The following ZNF562 variants were observed in gnomAD, a reference collection of about 807,000 sequenced individuals.
ZNF562 encodes zinc finger protein 562.
ZNF562 carries 13 observed loss-of-function variants against 17.5 expected under a neutral mutation model. The observed-to-expected ratio is 0.74, with a 90% CI of 0.48 to 1.18. The LOEUF is 1.18. Among genes scored for constraint, ZNF562 ranks in the 50% most tolerant of loss-of-function variants. ZNF562 has a pLI of 0.00. For missense variants in ZNF562, 481 were observed against 498.5 expected (o/e 0.96, Z 0.33); for synonymous variants, 163 against 165.4 (o/e 0.99, Z 0.11).
chr19:9,659,355 TACA>T, intron 3 of ZNF562, 21 bp downstream of exon 3: 1 of 1,541,352 alleles, frequency 6.5e-7, no homozygotes, highest in African/African-American at 1.4e-5. Flanking sequence ...TGTCATTTTG[TACA>T]ACGGTACATT....
intron 1 of ZNF562, among the ~76,000 whole-genome samples, chr19:9,667,320 T>C (rs1177746835): frequency 6.6e-6 from 1 of 152,166 alleles, no homozygotes; most frequent in Non-Finnish European, 1.5e-5. Context: ...TCAATATCCC[T>C]TTTTGACAAA....
At position 9,647,907 on chromosome 19, in the gene ZNF562, A is replaced by G. The variant is rs894866695; in HGVS notation, c.*5042T>C. The stretch of plus-strand genomic sequence containing the variant: ...AAAGAAACAAACCAAAAAAATGAAA[A>G]TATCTTGTAGTATTTTTAAATAGAG... On this transcript the variant is annotated 3_prime_UTR_variant, in exon 6 of 6. Coordinates refer to ENST00000453372, the MANE Select transcript of ZNF562 (RefSeq NM_001130031.2). 4 of 152,038 alleles carry G rather than the reference A, an allele frequency of 2.6e-5. No homozygotes were observed. Among genetic ancestry groups the G allele is most frequent in the African/African-American group, 9.7e-5 (4 of 41,400 alleles). The allele number at this position is 152,038 out of a possible 1,614,324, so 9.4% of individuals were successfully genotyped here.
intron 1 of ZNF562, among the ~76,000 whole-genome samples, chr19:9,663,751 A>G (rs543852716): frequency 5.9e-5 from 9 of 151,420 alleles, no homozygotes; most frequent in African/African-American, 2.2e-4. Context: ...ATCTCGGCTC[A>G]CTGCAGCCGC....
rs190277523 is a variant in ZNF562 at position 9,642,342 on chromosome 19, G to A, written c.*10607C>T. On this transcript the variant is annotated 3_prime_UTR_variant, in exon 6 of 6. Transcript: ENST00000453372. ...CTGTCACACAGGCTGAAGTATAGTG[G>A]CATTATCATGGCTCACTGCAGCCTT... The A allele has an allele frequency of 8.9e-4, 134 of 151,100 alleles. No individual in the cohort carries two copies. The highest frequency in any genetic ancestry group is 3.0e-3 in the African/African-American group (122 of 41,112). The allele number at this position is 151,100 out of a possible 1,614,324, so 9.4% of individuals were successfully genotyped here. A position where few individuals can be genotyped will look rare whatever the true frequency, so the allele number is the denominator to read the frequency against.
rs531938449 is a variant in ZNF562, at chr19:9,650,014, T to C, written c.*2935A>G. 1.3e-5 allele frequency: 2 copies of C among 152,036 alleles called. No individual in the cohort carries two copies. The highest frequency in any genetic ancestry group is 2.9e-5 in the Non-Finnish European group (2 of 68,004). The allele number at this position is 152,036 out of a possible 1,614,324, so 9.4% of individuals were successfully genotyped here. On this transcript the variant is annotated 3_prime_UTR_variant, in exon 6 of 6. Transcript: ENST00000453372. ...CAAGTTGGCTGACACTTAGGGAAAA[T>C]AGAAAAGAACCTATGTGAATATCGG...
intron 1 of ZNF562, among the ~76,000 whole-genome samples, chr19:9,663,459 C>T (rs2145012670): frequency 6.6e-6 from 1 of 151,294 alleles, no homozygotes; most frequent in Non-Finnish European, 1.5e-5. Context: ...AATCACTCCA[C>T]ACCATTGCCT....
At chr19:9,657,904 T>G in intron 4 of ZNF562, 105 bp downstream of exon 4, 6 of 1,402,944 alleles carry the variant, frequency 4.3e-6, no homozygotes, top group Non-Finnish European at 5.7e-6. Flanking sequence ...TTGCCCATGC[T>G]AGTATCAAAC....
intron 4 of ZNF562, among the ~76,000 whole-genome samples, chr19:9,657,715 T>A (rs1166248373): frequency 6.6e-6 from 1 of 151,460 alleles, no homozygotes; most frequent in African/African-American, 2.4e-5. Flanking sequence ...CCTGGCTAAT[T>A]TTTTTGCATT....
intron 1 of ZNF562, among the ~76,000 whole-genome samples, chr19:9,665,341 T>A (rs1440940162): frequency 6.6e-6 from 1 of 151,848 alleles, no homozygotes; most frequent in Non-Finnish European, 1.5e-5. Flanking sequence ...GCACCAAGAA[T>A]GTGGAAAATT....
chr19:9,652,838 G>T lies in ZNF562; in HGVS notation c.*111C>A. 1.0e-6 allele frequency: 1 copy of T among 982,930 alleles called. No individual in the cohort carries two copies. Among genetic ancestry groups the T allele is most frequent in the Non-Finnish European group, 1.5e-6 (1 of 687,614 alleles). The allele number at this position is 982,930 out of a possible 1,614,324, so 60.9% of individuals were successfully genotyped here. Reference sequence around the variant, plus strand: ...AATTCTTTCATGCATACTTAGGCATGAGGAAAGAGCAAATGCTTTCCCAAA... The same window carrying T: ...AATTCTTTCATGCATACTTAGGCATTAGGAAAGAGCAAATGCTTTCCCAAA... On this transcript the variant is annotated 3_prime_UTR_variant, in exon 6 of 6. Coordinates refer to ENST00000453372, the MANE Select transcript of ZNF562 (RefSeq NM_001130031.2).
chr19:9,668,021 C>A (rs751575828), intron 1 of ZNF562, among the ~76,000 whole-genome samples: 2 of 152,106 alleles, frequency 1.3e-5, no homozygotes, highest in African/African-American at 4.8e-5. Flanking sequence ...TATACGCCAA[C>A]GGTGAACAAT....
chr19:9,654,374 A>C lies in ZNF562; in HGVS notation c.349-493T>G, dbSNP rs114670075. On this transcript the variant is annotated intron_variant, in intron 5 of 5. Coordinates refer to ENST00000453372, the MANE Select transcript of ZNF562 (RefSeq NM_001130031.2). The stretch of plus-strand genomic sequence containing the variant: ...AGTGATCATGGCTCACTGTAACCTC[A>C]AACGCCTGGCTGGGTTCAAGTGATC... Among the ~76,000 whole-genome samples, 585 of 152,252 alleles carry C rather than the reference A, an allele frequency of 3.8e-3. 4 individuals carry two copies. Among genetic ancestry groups the C allele is most frequent in the African/African-American group, 0.013 (548 of 41,548 alleles).
intron 1 of ZNF562, among the ~76,000 whole-genome samples, chr19:9,671,138 G>A (rs960551733): frequency 2.6e-5 from 4 of 152,010 alleles, no homozygotes; most frequent in African/African-American, 9.7e-5. Flanking sequence ...AGAGAATAAC[G>A]ATGTTCCTAC....
chr19:9,664,851 A>G (rs2043887063), intron 1 of ZNF562, among the ~76,000 whole-genome samples: 1 of 152,006 alleles, frequency 6.6e-6, no homozygotes, highest in Admixed American at 6.6e-5. Context: ...TCTCAAAAAG[A>G]AAAGAAAAGA....
At chr19:9,657,194 G>A (rs2043530211) in intron 4 of ZNF562, among the ~76,000 whole-genome samples, 2 of 151,712 alleles carry the variant, frequency 1.3e-5, no homozygotes, top group Non-Finnish European at 2.9e-5. Context: ...TGGGGAACAG[G>A]AAGAGAAAAT....
intron 1 of ZNF562, among the ~76,000 whole-genome samples, chr19:9,666,184 C>T (rs994222357): frequency 6.6e-6 from 1 of 151,706 alleles, no homozygotes; most frequent in African/African-American, 2.4e-5. Context: ...ATTAGCTAGA[C>T]ATGGTGGTGC....
chr19:9,655,520 G>C (rs1021001015), intron 5 of ZNF562, among the ~76,000 whole-genome samples: 1 of 151,504 alleles, frequency 6.6e-6, no homozygotes, highest in African/African-American at 2.4e-5. Flanking sequence ...TCCACCTCCC[G>C]TGTTTAAGCA....
intron 1 of ZNF562, among the ~76,000 whole-genome samples, chr19:9,672,665 A>T (rs1241684793): frequency 6.6e-6 from 1 of 152,168 alleles, no homozygotes; most frequent in African/African-American, 2.4e-5. Context: ...TCAGTGTAAT[A>T]AAGCCTCCAT....
chr19:9,652,881 G>A lies in ZNF562; in HGVS notation c.*68C>T. The A allele has an allele frequency of 7.2e-7, 1 of 1,395,340 alleles. No homozygotes were observed. Among genetic ancestry groups the A allele is most frequent in the Non-Finnish European group, 9.5e-7 (1 of 1,054,244 alleles). The allele number at this position is 1,395,340 out of a possible 1,614,324, so 86.4% of individuals were successfully genotyped here. On this transcript the variant is annotated 3_prime_UTR_variant, in exon 6 of 6. Transcript: ENST00000453372. ...TTCCCAAATTCTTTACATACAAAAG[G>A]TTTCTCTCTGGTAGGAGTTCACAGG...
Sources: gnomAD v4.1 joint callset for allele counts (sites outside exome capture counted in the v4.1 genomes callset) on GRCh38, gnomAD v4.1.1 for gene constraint, MANE v1.5 for transcripts, NCBI Gene and HGNC (gene_info 2026-07-23, HGNC 2026-07-21) for gene names.